Variants in ANP32B observed in about 807,000 individuals in gnomAD.
The protein encoded by ANP32B is acidic nuclear phosphoprotein 32 family member B, also known as acidic leucine-rich nuclear phosphoprotein 32 family member B.
Under a neutral mutation model 32.2 loss-of-function variants are expected in ANP32B, and 6 were observed. That is an observed-to-expected ratio of 0.19 (90% CI 0.10 to 0.37). ANP32B has a LOEUF of 0.37. Ranked by LOEUF, ANP32B falls within the 10% of genes least tolerant of loss-of-function variation. The pLI is 1.00. For synonymous variants in ANP32B, 98 were observed against 105.8 expected (o/e 0.93, Z 0.45); for missense variants, 204 against 289.2 (o/e 0.71, Z 2.14).
intron 1 of ANP32B, among the ~76,000 whole-genome samples, chr9:97,994,281 C>T (rs1827872372): frequency 6.6e-6 from 1 of 152,178 alleles, no homozygotes; most frequent in African/African-American, 2.4e-5. Context: ...CTTCATTCTG[C>T]ATTTGCATTT....
chr9:97,994,531 A>T, intron 1 of ANP32B, 100 bp from the exon 2 acceptor site: 1 of 1,178,422 alleles, frequency 8.5e-7, no homozygotes, highest in Non-Finnish European at 1.2e-6. Flanking sequence ...GCCTGTATAT[A>T]TGGGTGTTTT....
At chr9:97,984,701 C>T (rs117552925) in intron 1 of ANP32B, 31,222 of 150,384 alleles carry the variant, frequency 0.21, 4,039 homozygotes, top group Non-Finnish European at 0.29. Context: ...CGGTCTGTTT[C>T]CCCCCGCCCC....
At position 98,002,902 on chromosome 9, in the gene ANP32B, G is replaced by A. The variant is rs549731859; in HGVS notation, c.328-2062G>A. Among the ~76,000 whole-genome samples, 15 of 152,296 alleles carry A rather than the reference G, an allele frequency of 9.8e-5. No individual in the cohort carries two copies. In the South Asian group the frequency reaches 1.9e-3, roughly 19 times the overall value. ...ATATAAATGGCTCATTCCTTTAAGT[G>A]GAGAATTTTTAGAGTGAACCTTTTT... On this transcript the variant is annotated intron_variant, in intron 3 of 6. Transcript: ENST00000339399.
chr9:97,984,968 G>A (rs997358322), intron 1 of ANP32B, among the ~76,000 whole-genome samples: 11 of 151,070 alleles, frequency 7.3e-5, no homozygotes, highest in Admixed American at 2.0e-4. Context: ...GGGGCCTGAG[G>A]GCGGCCCTCT....
intron 1 of ANP32B, 85 bp from the exon 2 acceptor site, chr9:97,994,546 G>C: frequency 7.0e-7 from 1 of 1,420,498 alleles, no homozygotes; most frequent in South Asian, 1.3e-5. Flanking sequence ...TGTTTTTGCA[G>C]GATATTTATG....
Position 97,991,844 on chromosome 9 carries a change from T to C in ANP32B, c.55-2787T>C, listed in dbSNP as rs149135714. On this transcript the variant is annotated intron_variant, in intron 1 of 6. Coordinates refer to ENST00000339399, the MANE Select transcript of ANP32B (RefSeq NM_006401.3). ...CAACACGAAGGATTGTAAAGTGATTTATAATATATCCACACACTGTGCTTT... is the reference window on the plus strand; with the variant it reads ...CAACACGAAGGATTGTAAAGTGATTCATAATATATCCACACACTGTGCTTT... Among the ~76,000 whole-genome samples, 557 of 152,364 alleles carry C rather than the reference T, an allele frequency of 3.7e-3. 3 individuals are homozygous for C. Among genetic ancestry groups the C allele is most frequent in the African/African-American group, 0.011 (478 of 41,582 alleles).
chr9:97,997,831 G>A (rs7855432), intron 2 of ANP32B, among the ~76,000 whole-genome samples: 1 of 152,024 alleles, frequency 6.6e-6, no homozygotes, highest in Non-Finnish European at 1.5e-5. Context: ...TCTACTCTAA[G>A]ATTCTAATAT....
chr9:97,989,674 G>A (rs1371275307), intron 1 of ANP32B, among the ~76,000 whole-genome samples: 1 of 152,002 alleles, frequency 6.6e-6, no homozygotes, highest in Non-Finnish European at 1.5e-5. Context: ...GGGAAGCTGT[G>A]GGATCATCTT....
chr9:97,996,808 C>G (rs949283257), intron 2 of ANP32B, among the ~76,000 whole-genome samples: 3 of 151,554 alleles, frequency 2.0e-5, no homozygotes, highest in African/African-American at 7.3e-5. Context: ...CCATATTGGT[C>G]AGGCTGGTTT....
At chr9:97,984,215 G>A (rs954551284) in intron 1 of ANP32B, among the ~76,000 whole-genome samples, 6 of 150,870 alleles carry the variant, frequency 4.0e-5, no homozygotes, top group African/African-American at 1.5e-4. Flanking sequence ...GGCCTGGGCG[G>A]GCGCGGCCCG....
intron 2 of ANP32B, among the ~76,000 whole-genome samples, chr9:97,996,495 T>C (rs1168006887): frequency 1.3e-5 from 2 of 152,230 alleles, no homozygotes; most frequent in Non-Finnish European, 2.9e-5. Flanking sequence ...ACTTCCCTTA[T>C]AGGGCTAATG....
intron 6 of ANP32B, among the ~76,000 whole-genome samples, 185 bp downstream of exon 6, chr9:98,012,657 C>T (rs1828206094): frequency 6.6e-6 from 1 of 152,246 alleles, no homozygotes; most frequent in Non-Finnish European, 1.5e-5. Flanking sequence ...CCTGCTGCTA[C>T]AGCAGTTATT....
intron 1 of ANP32B, among the ~76,000 whole-genome samples, chr9:97,985,258 A>G (rs536845563): frequency 2.0e-3 from 305 of 152,180 alleles, no homozygotes; most frequent in Non-Finnish European, 2.5e-3. Flanking sequence ...TTCGTCGACC[A>G]GGGTTTACCT....
Position 98,015,657 on chromosome 9 carries a change from A to G in ANP32B, c.*226A>G, listed in dbSNP as rs1467147533. 12 of 1,225,202 alleles carry G rather than the reference A, an allele frequency of 9.8e-6. No homozygotes were observed. The highest frequency in any genetic ancestry group is 1.1e-5 in the Non-Finnish European group (11 of 973,718). 75.9% of individuals were successfully genotyped at this position (1,225,202 alleles called of 1,614,324 possible). On this transcript the variant is annotated 3_prime_UTR_variant, in exon 7 of 7. Coordinates refer to ENST00000339399, the MANE Select transcript of ANP32B (RefSeq NM_006401.3). Reference sequence around the variant, plus strand: ...GTGGACTTCACCCCAACAAAATTGTAAGCGTTGTTAGGTTTTTGTGTAAGA... The same window carrying G: ...GTGGACTTCACCCCAACAAAATTGTGAGCGTTGTTAGGTTTTTGTGTAAGA...
intron 4 of ANP32B, among the ~76,000 whole-genome samples, chr9:98,010,756 C>T (rs1390189038): frequency 1.3e-5 from 2 of 152,056 alleles, no homozygotes; most frequent in Non-Finnish European, 2.9e-5. Context: ...CCCTGAGTCA[C>T]AGGGTTATTA....
chr9:97,984,202 G>A (rs2131577199), intron 1 of ANP32B, among the ~76,000 whole-genome samples: 1 of 150,878 alleles, frequency 6.6e-6, no homozygotes, highest in Middle Eastern at 3.4e-3. Context: ...TCGGGCGCCT[G>A]GAGGCCTGGG....
chr9:97,998,739 TA>T, intron 3 of ANP32B, 61 bp downstream of exon 3: 1 of 1,385,006 alleles, frequency 7.2e-7, no homozygotes. Flanking sequence ...CATATTTCTT[TA>T]TAGTGGGGGA....
At chr9:98,005,749 G>A (rs1828071307) in intron 4 of ANP32B, among the ~76,000 whole-genome samples, 1 of 152,170 alleles carries the variant, frequency 6.6e-6, no homozygotes, top group Non-Finnish European at 1.5e-5. Context: ...AAGTCTACAA[G>A]CTAAGTTAGG....
intron 3 of ANP32B, 110 bp downstream of exon 3, chr9:97,998,788 C>CTTTTTTTTTT (rs763207163): frequency 3.8e-5 from 1 of 26,230 alleles, no homozygotes; most frequent in Non-Finnish European, 6.1e-5. Context: ...AAAGTGGTGG[C>CTTTTTTTTTT]TTTTTTTTTT....
Sources: allele counts gnomAD v4.1 joint callset (sites outside exome capture counted in the v4.1 genomes callset), GRCh38; gene constraint gnomAD v4.1.1; transcripts MANE v1.5; gene names NCBI Gene and HGNC (gene_info 2026-07-23, HGNC 2026-07-21).